CELF4: variants seen among roughly 807,000 people sequenced by gnomAD.
CELF4 encodes CUG-BP- and ETR-3-like factor 4.
CELF4 carries 18 observed loss-of-function variants against 59.9 expected under a neutral mutation model. The ratio of observed to expected loss-of-function variants is 0.30; its 90% CI spans 0.21 to 0.45. The LOEUF is 0.45. CELF4 is among the 20% of genes least tolerant of loss of function. The probability of loss-of-function intolerance (pLI) is 1.00; values close to 1 mark genes in which losing one functional copy is unlikely to be tolerated. For synonymous variants in CELF4, 261 were observed against 267.1 expected (o/e 0.98, Z 0.22); for missense variants, 456 against 689.0 (o/e 0.66, Z 3.79).
chr18:37,277,368 T>C (rs1222452372), intron 3 of CELF4, among the ~76,000 whole-genome samples: 1 of 152,200 alleles, frequency 6.6e-6, no homozygotes, highest in East Asian at 1.9e-4. Flanking sequence ...CTCCTTTGGC[T>C]TGGCAAGACT....
intron 2 of CELF4, among the ~76,000 whole-genome samples, chr18:37,388,409 T>C (rs1282960962): frequency 1.3e-5 from 2 of 148,196 alleles, no homozygotes; most frequent in South Asian, 2.2e-4. Context: ...CTCCCTTCCC[T>C]CCTCCTTCTC....
At chr18:37,494,076 G>A (rs1196824904) in intron 1 of CELF4, among the ~76,000 whole-genome samples, 2 of 152,168 alleles carry the variant, frequency 1.3e-5, no homozygotes, top group South Asian at 2.1e-4. Flanking sequence ...TCAGGGCAGC[G>A]TGTTCAGACC....
chr18:37,430,442 C>T (rs968069056), intron 2 of CELF4, among the ~76,000 whole-genome samples: 3 of 152,170 alleles, frequency 2.0e-5, no homozygotes, highest in Admixed American at 6.5e-5. Context: ...TTGCAGTGGG[C>T]CCTCCACCCC....
At chr18:37,474,163 T>C (rs1405912681) in intron 2 of CELF4, among the ~76,000 whole-genome samples, 2 of 152,208 alleles carry the variant, frequency 1.3e-5, no homozygotes, top group Non-Finnish European at 2.9e-5. Flanking sequence ...AAGTGTTATT[T>C]GTTGAGGCCA....
chr18:37,529,422 C>G (rs1027892858), intron 1 of CELF4, among the ~76,000 whole-genome samples: 1 of 152,268 alleles, frequency 6.6e-6, no homozygotes, highest in Middle Eastern at 3.4e-3. Flanking sequence ...TCAGGTCTGG[C>G]GCGACGTAGC....
rs561464294 is a variant in CELF4 at position 37,243,186 on chromosome 18, C to CTTTTTTT, written c.*2049_*2055dup. ...TGTTTTCTTTTTTTTTTCTTTTTTTCTTTTTTTTTTTTTTTTTTTTACATC... is the reference window on the plus strand; with the variant it reads ...TGTTTTCTTTTTTTTTTCTTTTTTTCTTTTTTTTTTTTTTTTTTTTTTTTTTTACATC... On this transcript the variant is annotated 3_prime_UTR_variant, in exon 13 of 13. Coordinates refer to ENST00000420428, the MANE Select transcript of CELF4 (RefSeq NM_020180.4). 157 of 100,466 alleles carry CTTTTTTT rather than the reference C, an allele frequency of 1.6e-3. No homozygotes were observed. The highest frequency in any genetic ancestry group is 6.7e-3 in the Middle Eastern group (1 of 150). The allele number at this position is 100,466 out of a possible 1,614,324, so 6.2% of individuals were successfully genotyped here. A position where few individuals can be genotyped will look rare whatever the true frequency, so the allele number is the denominator to read the frequency against.
At chr18:37,503,107 C>T (rs965202476) in intron 1 of CELF4, among the ~76,000 whole-genome samples, 1 of 152,196 alleles carries the variant, frequency 6.6e-6, no homozygotes, top group Non-Finnish European at 1.5e-5. Flanking sequence ...TGGTCACTCA[C>T]TATCTAGGGG....
chr18:37,494,014 A>G (rs1388189188), intron 1 of CELF4, among the ~76,000 whole-genome samples: 2 of 152,118 alleles, frequency 1.3e-5, no homozygotes, highest in African/African-American at 2.4e-5. Flanking sequence ...CTCAAGCTAG[A>G]TTTGAATCTC....
intron 2 of CELF4, among the ~76,000 whole-genome samples, chr18:37,379,048 G>A (rs1311916049): frequency 6.6e-6 from 1 of 152,220 alleles, no homozygotes; most frequent in Non-Finnish European, 1.5e-5. Flanking sequence ...CTCACCTGGG[G>A]GCTTGCACTG....
At chr18:37,444,375 C>T (rs2099741842) in intron 2 of CELF4, among the ~76,000 whole-genome samples, 1 of 152,078 alleles carries the variant, frequency 6.6e-6, no homozygotes, top group Non-Finnish European at 1.5e-5. Context: ...TGTGTCTGGA[C>T]GCTTTGACGA....
chr18:37,426,271 C>G (rs908773266), intron 2 of CELF4, among the ~76,000 whole-genome samples: 1 of 152,202 alleles, frequency 6.6e-6, no homozygotes, highest in Admixed American at 6.5e-5. Flanking sequence ...CTCTAGGTGA[C>G]TGAGGGTAAG....
intron 2 of CELF4, among the ~76,000 whole-genome samples, chr18:37,333,636 G>A (rs946850854): frequency 1.3e-5 from 2 of 151,786 alleles, no homozygotes; most frequent in African/African-American, 4.8e-5. Flanking sequence ...CATTCTGCCC[G>A]TGCTGCCTCT....
At chr18:37,540,401 C>T (rs1263990258) in intron 1 of CELF4, among the ~76,000 whole-genome samples, 2 of 151,486 alleles carry the variant, frequency 1.3e-5, no homozygotes, top group Non-Finnish European at 2.9e-5. Context: ...AACGGGCCAG[C>T]GGTCTGCCTC....
chr18:37,553,378 G>A (rs1464572788), intron 1 of CELF4, among the ~76,000 whole-genome samples: 3 of 152,066 alleles, frequency 2.0e-5, no homozygotes, highest in South Asian at 2.1e-4. Flanking sequence ...TTCATCACAC[G>A]TAGCATATGA....
In CELF4 at chr18:37,565,758, G is replaced by A; in HGVS notation, c.-117C>T. ...ACACACTCGGGTTCTCTCCCCCTCGGTTTCTCTACACCTCGCTCTCCGCTC... is the reference window on the plus strand; with the variant it reads ...ACACACTCGGGTTCTCTCCCCCTCGATTTCTCTACACCTCGCTCTCCGCTC... On this transcript the variant is annotated 5_prime_UTR_variant, in exon 1 of 13. Coordinates refer to ENST00000420428, the MANE Select transcript of CELF4 (RefSeq NM_020180.4). 1.4e-6 allele frequency: 1 copy of A among 730,728 alleles called. No individual in the cohort carries two copies. The highest frequency in any genetic ancestry group is 3.5e-5 in the Admixed American group (1 of 28,492). The allele number at this position is 730,728 out of a possible 1,614,324, so 45.3% of individuals were successfully genotyped here.
At chr18:37,400,974 C>A (rs1025387196) in intron 2 of CELF4, among the ~76,000 whole-genome samples, 3 of 152,202 alleles carry the variant, frequency 2.0e-5, no homozygotes, top group African/African-American at 7.2e-5. Flanking sequence ...GGGGCCTGGG[C>A]CCTTCTGATG....
chr18:37,417,775 C>T (rs569906162), intron 2 of CELF4, among the ~76,000 whole-genome samples: 3 of 152,374 alleles, frequency 2.0e-5, no homozygotes, highest in Admixed American at 6.5e-5. Context: ...CCATGTCAAC[C>T]CCATCCAGAT....
chr18:37,249,244 C>G (rs1599975882), intron 12 of CELF4, among the ~76,000 whole-genome samples: 1 of 152,156 alleles, frequency 6.6e-6, no homozygotes, highest in East Asian at 1.9e-4. Context: ...CAACGGGCAG[C>G]TCCCGTTGGC....
At chr18:37,265,225 G>A (rs113710758) in intron 9 of CELF4, among the ~76,000 whole-genome samples, 4,261 of 152,204 alleles carry the variant, frequency 0.028, 207 homozygotes, top group African/African-American at 0.098. Context: ...GTGTACGTGT[G>A]TGCGCGCACG....
Sources: gnomAD v4.1 joint callset for allele counts (sites outside exome capture counted in the v4.1 genomes callset) on GRCh38, gnomAD v4.1.1 for gene constraint, MANE v1.5 for transcripts, NCBI Gene and HGNC (gene_info 2026-07-23, HGNC 2026-07-21) for gene names.